FDFT1: variants seen among roughly 807,000 people sequenced by gnomAD.
FDFT1 encodes the protein farnesyl-diphosphate farnesyltransferase 1, also known as squalene synthase.
FDFT1 carries 68 observed loss-of-function variants against 46.8 expected under a neutral mutation model. That is an observed-to-expected ratio of 1.45 (90% CI 1.19 to 1.78). FDFT1 has a LOEUF of 1.78. FDFT1 is among the 40% of genes most tolerant of loss of function. The probability of loss-of-function intolerance (pLI) is 0.00; values close to 1 mark genes in which losing one functional copy is unlikely to be tolerated. For missense variants in FDFT1, 928 were observed against 524.4 expected, an observed-to-expected ratio of 1.77 and a Z score of -7.52; for synonymous variants, 351 against 185.1, an observed-to-expected ratio of 1.90 and a Z score of -7.28.
intron 3 of FDFT1, among the ~76,000 whole-genome samples, chr8:11,817,512 G>A (rs539579922): frequency 2.0e-5 from 3 of 152,282 alleles, no homozygotes; most frequent in African/African-American, 7.2e-5. Context: ...TCTTTGGTTG[G>A]TAGGCTATTA....
intron 7 of FDFT1, among the ~76,000 whole-genome samples, chr8:11,837,865 G>C (rs1462950717): frequency 6.6e-6 from 1 of 152,106 alleles, no homozygotes; most frequent in African/African-American, 2.4e-5. Context: ...TACTTGGGAG[G>C]CTTGTGGAGG....
chr8:11,808,726 ACTC>A, intron 1 of FDFT1, 65 bp from the exon 2 acceptor site: 1 of 1,561,320 alleles, frequency 6.4e-7, no homozygotes. Flanking sequence ...TCCCACTCCC[ACTC>A]CCACTCCCAC....
chr8:11,813,577 A>G (rs892310235), intron 3 of FDFT1, among the ~76,000 whole-genome samples: 2 of 152,226 alleles, frequency 1.3e-5, no homozygotes, highest in Non-Finnish European at 2.9e-5. Context: ...GTCTGGCTTC[A>G]GATCTCTTGT....
chr8:11,802,984 G>T, intron 1 of FDFT1, 53 bp downstream of exon 1: 1 of 1,550,656 alleles, frequency 6.4e-7, no homozygotes. Context: ...CGCTGGGCCG[G>T]CCTCAGGGCC....
At chr8:11,830,783 C>T (rs1315443335) in intron 6 of FDFT1, among the ~76,000 whole-genome samples, 2 of 152,194 alleles carry the variant, frequency 1.3e-5, no homozygotes, top group African/African-American at 2.4e-5. Context: ...CATTAAGCAC[C>T]TAATTACTGC....
At chr8:11,815,955 T>C (rs1808388583) in intron 3 of FDFT1, among the ~76,000 whole-genome samples, 1 of 152,236 alleles carries the variant, frequency 6.6e-6, no homozygotes, top group South Asian at 2.1e-4. Context: ...GCCTATGTCC[T>C]GAATGGTATT....
upstream of FDFT1, chr8:11,802,568 C>T: frequency 1.6e-6 from 1 of 612,066 alleles, no homozygotes; most frequent in Non-Finnish European, 3.1e-6. Flanking sequence ...TCTCCTTCCG[C>T]GACTGATTGG....
At chr8:11,825,816 C>A (rs1468913277) in intron 4 of FDFT1, among the ~76,000 whole-genome samples, 1 of 152,028 alleles carries the variant, frequency 6.6e-6, no homozygotes, top group Non-Finnish European at 1.5e-5. Context: ...ACATCAAATT[C>A]CCGTCAGCCA....
chr8:11,824,229 A>G (rs1168291331), intron 4 of FDFT1, among the ~76,000 whole-genome samples: 1 of 152,110 alleles, frequency 6.6e-6, no homozygotes, highest in Admixed American at 6.5e-5. Flanking sequence ...AAGTTAACTA[A>G]TAGACAATTA....
At position 11,808,896 on chromosome 8, in the gene FDFT1, G is replaced by A. The variant is rs1411978673; in HGVS notation, c.197+5G>A. On this transcript the variant is annotated splice_donor_5th_base_variant and intron_variant, in intron 2 of 7. Coordinates refer to ENST00000220584, the MANE Select transcript of FDFT1 (RefSeq NM_004462.5). ...GGCGCTGGATGGGGAAATGCGGTGA[G>A]TGATGGAGGCAGCGCCTCTGGCTTG... 16 of 1,612,838 alleles carry A rather than the reference G, an allele frequency of 9.9e-6. No homozygotes were observed. Among genetic ancestry groups the A allele is most frequent in the African/African-American group, 1.3e-5 (1 of 74,934 alleles).
chr8:11,822,371 C>T (rs1290739929), intron 4 of FDFT1, among the ~76,000 whole-genome samples: 1 of 152,228 alleles, frequency 6.6e-6, no homozygotes, highest in African/African-American at 2.4e-5. Context: ...AAAGATGCTG[C>T]TACATGGTCA....
At chr8:11,813,670 CTA>C (rs748900802) in intron 3 of FDFT1, among the ~76,000 whole-genome samples, 25 of 152,338 alleles carry the variant, frequency 1.6e-4, no homozygotes, top group Non-Finnish European at 3.2e-4. Context: ...CTCTTACCCT[CTA>C]TGTGGGATTT....
chr8:11,837,850 G>A (rs1289091091), intron 7 of FDFT1, among the ~76,000 whole-genome samples: 2 of 152,134 alleles, frequency 1.3e-5, no homozygotes, highest in Non-Finnish European at 2.9e-5. Context: ...GATGGATTCT[G>A]CACATACTTG....
intron 3 of FDFT1, among the ~76,000 whole-genome samples, chr8:11,810,933 TAAAAAAAA>T (rs71539744): frequency 3.6e-4 from 32 of 89,422 alleles, no homozygotes; most frequent in Admixed American, 7.9e-4. Context: ...GAGCAATATT[TAAAAAAAA>T]AAAAAAAAAA....
At chr8:11,807,484 T>A (rs1378168718) in intron 1 of FDFT1, among the ~76,000 whole-genome samples, 1 of 151,964 alleles carries the variant, frequency 6.6e-6, no homozygotes, top group Non-Finnish European at 1.5e-5. Context: ...ATGATTCCAG[T>A]CTCTCCCAAA....
chr8:11,837,515 AG>A (rs1811709909), intron 7 of FDFT1, among the ~76,000 whole-genome samples: 1 of 152,204 alleles, frequency 6.6e-6, no homozygotes, highest in Non-Finnish European at 1.5e-5. Flanking sequence ...TCCAAACATG[AG>A]CCACTGTGCC....
In FDFT1 at chr8:11,808,726, ACTCC is replaced by A. The variant is rs1807254258; in HGVS notation, c.100-66_100-63del. ...CTGCCCCAGTCCCACTCCCACTCCC[ACTCC>A]CACTCCCACTCCCACTCCTGCTCCT... On this transcript the variant is annotated intron_variant, in intron 1 of 7. Coordinates refer to ENST00000220584, the MANE Select transcript of FDFT1 (RefSeq NM_004462.5). 2.6e-6 allele frequency: 4 copies of A among 1,561,320 alleles called. No individual in the cohort carries two copies. In the East Asian group the frequency reaches 7.1e-5, roughly 28 times the overall value.
At chr8:11,804,496 G>C (rs1585855002) in intron 1 of FDFT1, among the ~76,000 whole-genome samples, 1 of 150,878 alleles carries the variant, frequency 6.6e-6, no homozygotes, top group Non-Finnish European at 1.5e-5. Context: ...TTTCTGGGCA[G>C]TTTTTACATC....
At chr8:11,804,725 G>C (rs574082583) in intron 1 of FDFT1, among the ~76,000 whole-genome samples, 449 of 148,540 alleles carry the variant, frequency 3.0e-3, no homozygotes, top group Non-Finnish European at 5.5e-3. Flanking sequence ...TCCTGCCTCA[G>C]CCTGCTGAGT....
Sources: gnomAD v4.1 joint callset for allele counts (sites outside exome capture counted in the v4.1 genomes callset) on GRCh38, gnomAD v4.1.1 for gene constraint, MANE v1.5 for transcripts, NCBI Gene and HGNC (gene_info 2026-07-23, HGNC 2026-07-21) for gene names.